Variants in PTPRK observed in about 807,000 individuals in gnomAD.
The protein encoded by PTPRK is receptor-type tyrosine-protein phosphatase kappa.
In PTPRK, 75 loss-of-function variants were observed where a neutral mutation model predicts 178.0. The ratio of observed to expected loss-of-function variants is 0.42; its 90% CI spans 0.35 to 0.51. The LOEUF is 0.51. Among genes scored for constraint, PTPRK ranks in the 20% least tolerant of loss-of-function variants. PTPRK has a pLI of 0.02. For missense variants in PTPRK, 1,441 were observed against 1,797.8 expected (o/e 0.80, Z 3.59); for synonymous variants, 637 against 620.6 (o/e 1.03, Z -0.39).
intron 3 of PTPRK, among the ~76,000 whole-genome samples, chr6:128,296,729 A>C (rs1048375812): frequency 4.6e-5 from 7 of 152,212 alleles, no homozygotes; most frequent in African/African-American, 1.7e-4. Context: ...AGGAAGCCCT[A>C]AACATGGAAA....
chr6:128,446,444 C>G lies in PTPRK; in HGVS notation c.101-48756G>C, dbSNP rs568725672. ...ACAGAAACACCAAGTTTCTGGATCA[C>G]TCTGTCATTCTCACTTCAAAATGTA... On this transcript the variant is annotated intron_variant, in intron 1 of 29. Coordinates refer to ENST00000368226, the MANE Select transcript of PTPRK (RefSeq NM_002844.4). Among the ~76,000 whole-genome samples, 10 of 152,304 alleles carry G rather than the reference C, an allele frequency of 6.6e-5. No individual in the cohort carries two copies. The South Asian group carries it at 2.1e-3, about 32-fold the overall frequency.
intron 7 of PTPRK, among the ~76,000 whole-genome samples, chr6:128,108,115 CACAA>C: frequency 6.9e-6 from 1 of 144,550 alleles, no homozygotes; most frequent in African/African-American, 2.6e-5. Flanking sequence ...CACACACACA[CACAA>C]ATTTCACTCA....
At chr6:128,338,732 T>C (rs1405263275) in intron 2 of PTPRK, among the ~76,000 whole-genome samples, 1 of 152,154 alleles carries the variant, frequency 6.6e-6, no homozygotes, top group Non-Finnish European at 1.5e-5. Flanking sequence ...TAATCAATGT[T>C]CTTATAGGTA....
At position 128,477,747 on chromosome 6, in the gene PTPRK, G is replaced by A. The variant is rs1337606085; in HGVS notation, c.100+42512C>T. ...ATATTTGTGATTAAAAAAATGTAGA[G>A]AGAAAACATTCAAATATACAATTTA... On this transcript the variant is annotated intron_variant, in intron 1 of 29. Transcript: ENST00000368226. 9.9e-5 allele frequency among the ~76,000 whole-genome samples: 15 copies of A among 152,204 alleles called. No individual in the cohort carries two copies. In the East Asian group the frequency reaches 2.5e-3, roughly 25 times the overall value.
chr6:128,236,627 G>A (rs1045650619), intron 5 of PTPRK, among the ~76,000 whole-genome samples: 1 of 152,160 alleles, frequency 6.6e-6, no homozygotes, highest in East Asian at 1.9e-4. Context: ...GATTACAGGC[G>A]TGAGCCACTG....
intron 5 of PTPRK, among the ~76,000 whole-genome samples, chr6:128,236,343 C>CTTTTTTTT (rs35553541): frequency 6.5e-5 from 7 of 108,084 alleles, no homozygotes; most frequent in Non-Finnish European, 1.1e-4. Context: ...TTCTAAATTT[C>CTTTTTTTT]TTTTTTTTTT....
chr6:128,447,961 C>T (rs1847251503), intron 1 of PTPRK, among the ~76,000 whole-genome samples: 2 of 152,148 alleles, frequency 1.3e-5, no homozygotes, highest in African/African-American at 4.8e-5. Context: ...AGCACAAAAG[C>T]AAAGGCCTCT....
intron 21 of PTPRK, 95 bp downstream of exon 21, chr6:127,990,674 A>G: frequency 1.3e-6 from 1 of 768,688 alleles, no homozygotes; most frequent in Non-Finnish European, 2.2e-6. Flanking sequence ...GAATGAATGG[A>G]TTTTATAGCA....
chr6:128,210,455 AG>A (rs1191427586), intron 6 of PTPRK, among the ~76,000 whole-genome samples: 2 of 3,588 alleles, frequency 5.6e-4, no homozygotes, highest in Non-Finnish European at 1.0e-3. Flanking sequence ...ATTTTTGGGG[AG>A]GGGGGGTGGG....
At chr6:128,112,290 AT>A (rs1182211563) in intron 7 of PTPRK, among the ~76,000 whole-genome samples, 5 of 152,116 alleles carry the variant, frequency 3.3e-5, no homozygotes, top group Non-Finnish European at 7.4e-5. Context: ...AGAATGGAAA[AT>A]ATAGGTAAAA....
At chr6:128,338,253 T>C (rs1236317672) in intron 2 of PTPRK, among the ~76,000 whole-genome samples, 3 of 152,096 alleles carry the variant, frequency 2.0e-5, no homozygotes, top group Admixed American at 1.3e-4. Context: ...AAAATGTTTT[T>C]AATTATAGTA....
rs571962009 is a variant in PTPRK, at chr6:128,392,903, TATA to T, written c.223+4660_223+4662del. ...TAATTACATAAAAATCTCAACTCAA[TATA>T]ATGTTTGGTAAATGGGGTATTTTTG... On this transcript the variant is annotated intron_variant, in intron 2 of 29. Coordinates refer to ENST00000368226, the MANE Select transcript of PTPRK (RefSeq NM_002844.4). 4.7e-3 allele frequency among the ~76,000 whole-genome samples: 718 copies of T among 152,212 alleles called. 2 individuals are homozygous for T. The highest frequency in any genetic ancestry group is 8.1e-3 in the Non-Finnish European group (553 of 68,000).
intron 1 of PTPRK, among the ~76,000 whole-genome samples, chr6:128,461,107 A>C (rs1183724861): frequency 6.6e-6 from 1 of 152,132 alleles, no homozygotes; most frequent in Non-Finnish European, 1.5e-5. Context: ...ATTTAATCGA[A>C]GTGTTTCTCT....
chr6:128,059,048 C>T (rs1780381137), intron 13 of PTPRK, among the ~76,000 whole-genome samples: 2 of 152,038 alleles, frequency 1.3e-5, no homozygotes, highest in South Asian at 2.1e-4. Context: ...GTGCTATTAC[C>T]ACACTGTCTT....
intron 7 of PTPRK, among the ~76,000 whole-genome samples, chr6:128,180,733 T>C (rs549909641): frequency 3.3e-5 from 5 of 152,268 alleles, no homozygotes; most frequent in Admixed American, 1.3e-4. Flanking sequence ...AATTGGGCTT[T>C]CAATAAATGT....
At chr6:128,235,929 T>C (rs1390456456) in intron 5 of PTPRK, among the ~76,000 whole-genome samples, 1 of 152,312 alleles carries the variant, frequency 6.6e-6, no homozygotes, top group Non-Finnish European at 1.5e-5. Context: ...TACAAAGATA[T>C]GCTACAAGAG....
chr6:128,188,633 G>C (rs112628725), intron 6 of PTPRK, among the ~76,000 whole-genome samples: 16 of 152,252 alleles, frequency 1.1e-4, no homozygotes, highest in African/African-American at 3.1e-4. Context: ...AATTACTACA[G>C]ACTTGGTGGC....
intron 13 of PTPRK, among the ~76,000 whole-genome samples, chr6:128,016,951 T>C (rs550564360): frequency 7.4e-4 from 112 of 152,168 alleles, no homozygotes; most frequent in African/African-American, 2.6e-3. Flanking sequence ...TATTATTCTG[T>C]GCTGACAGTA....
At chr6:128,515,072 C>T (rs1857763791) in intron 1 of PTPRK, among the ~76,000 whole-genome samples, 1 of 152,208 alleles carries the variant, frequency 6.6e-6, no homozygotes, top group South Asian at 2.1e-4. Flanking sequence ...TCAGAGTTCA[C>T]ACTGATATCA....
Sources: allele counts gnomAD v4.1 joint callset (sites outside exome capture counted in the v4.1 genomes callset), GRCh38; gene constraint gnomAD v4.1.1; transcripts MANE v1.5; gene names NCBI Gene and HGNC (gene_info 2026-07-23, HGNC 2026-07-21).